The following CDON variants were observed in gnomAD, a reference collection of about 807,000 sequenced individuals.
CDON encodes the protein cell adhesion associated, oncogene regulated.
CDON carries 73 observed loss-of-function variants against 120.9 expected under a neutral mutation model. The ratio of observed to expected loss-of-function variants is 0.60; its 90% CI spans 0.50 to 0.73. The LOEUF is 0.73. Among genes scored for constraint, CDON ranks in the 30% least tolerant of loss-of-function variants. CDON has a pLI of 0.00. For missense variants in CDON, 1,470 were observed against 1,587.3 expected (o/e 0.93, Z 1.26); for synonymous variants, 566 against 573.5 (o/e 0.99, Z 0.19).
intron 10 of CDON, among the ~76,000 whole-genome samples, chr11:126,002,581 T>C (rs1946978036): frequency 6.6e-6 from 1 of 152,190 alleles, no homozygotes; most frequent in South Asian, 2.1e-4. Context: ...CGATGGCATC[T>C]TTTTTATCAA....
At chr11:125,999,418 T>A (rs530173773) in intron 11 of CDON, among the ~76,000 whole-genome samples, 1 of 152,244 alleles carries the variant, frequency 6.6e-6, no homozygotes, top group African/African-American at 2.4e-5. Flanking sequence ...CTCCACTTTC[T>A]GGACGATCTG....
rs1469425757 is a variant in CDON, at chr11:125,997,402, C to T, written c.2167G>A (p.Ala723Thr). The T allele has an allele frequency of 6.2e-7, 1 of 1,610,842 alleles. No individual in the cohort carries two copies. Among genetic ancestry groups the T allele is most frequent in the Admixed American group, 1.7e-5 (1 of 59,828 alleles). Residue 723 changes from alanine (A) to threonine (T), a missense_variant, in exon 12 of 20, where the codon GCA becomes ACA. Physicochemically the swap from Ala to Thr is moderately conservative, Grantham distance 58 (BLOSUM62 0). Coordinates refer to ENST00000531738, the MANE Select transcript of CDON (RefSeq NM_001378964.1). The part of the protein sequence containing the change: ...DSSRHSGVPE[A>T]PDRPTISTAS... ...GTGGAGATGGTAGGCCGATCTGGTG[C>T]CTCTGGAACTAAACACGGAAACGTT...
intron 14 of CDON, among the ~76,000 whole-genome samples, chr11:125,990,447 T>C (rs954540521): frequency 2.0e-5 from 3 of 152,098 alleles, no homozygotes; most frequent in African/African-American, 7.2e-5. Context: ...TTAGAAACAC[T>C]CCTAAACTGA....
intron 10 of CDON, 22 bp from the exon 11 acceptor site, chr11:126,001,872 T>C (rs1331417619): frequency 1.9e-6 from 3 of 1,546,094 alleles, no homozygotes; most frequent in East Asian, 2.2e-5. Flanking sequence ...AATAAACATA[T>C]ACAGTAACAT....
intron 11 of CDON, among the ~76,000 whole-genome samples, chr11:125,999,645 G>A (rs890891274): frequency 1.4e-4 from 21 of 152,134 alleles, no homozygotes; most frequent in African/African-American, 5.1e-4. Context: ...GTCTTCTGGT[G>A]CCCACACCCA....
chr11:126,052,652 G>A (rs1394191478), intron 1 of CDON, among the ~76,000 whole-genome samples: 1 of 152,120 alleles, frequency 6.6e-6, no homozygotes, highest in Non-Finnish European at 1.5e-5. Flanking sequence ...GCGAAACCCT[G>A]TCCCTACTAA....
At chr11:125,983,793 T>C in intron 16 of CDON, 79 bp downstream of exon 16, 1 of 1,020,748 alleles carries the variant, frequency 9.8e-7, no homozygotes, top group Non-Finnish European at 1.5e-6. Flanking sequence ...ACAACAGTGT[T>C]AGAAATCAAT....
chr11:125,980,926 C>T (rs774908007), intron 17 of CDON, 123 bp downstream of exon 17: 25 of 936,100 alleles, frequency 2.7e-5, no homozygotes, highest in Middle Eastern at 2.5e-4. Context: ...GTGATCCATG[C>T]TGTTTCCATT....
At chr11:126,053,332 C>A (rs1284656196) in intron 1 of CDON, among the ~76,000 whole-genome samples, 1 of 152,180 alleles carries the variant, frequency 6.6e-6, no homozygotes, top group African/African-American at 2.4e-5. Context: ...AATACCTCCT[C>A]CAGATTTAGT....
chr11:126,018,258 T>G (rs974870600), intron 5 of CDON, 72 bp downstream of exon 5: 2 of 1,438,286 alleles, frequency 1.4e-6, no homozygotes, highest in African/African-American at 2.8e-5. Flanking sequence ...GAAAAAAAAA[T>G]GAACTATCAT....
Position 126,015,281 on chromosome 11 carries a change from A to G in CDON, c.1158T>C (p.Ile386=). 4 of 1,614,158 alleles carry G rather than the reference A, an allele frequency of 2.5e-6. No individual in the cohort carries two copies. Among genetic ancestry groups the G allele is most frequent in the Non-Finnish European group, 3.4e-6 (4 of 1,179,998 alleles). Residue 386 remains isoleucine (I), a synonymous_variant, in exon 7 of 20, where the codon ATT becomes ATC. Transcript: ENST00000531738. ...GMYQCVADNG[I]GFMHSTGRLE... ...GTCTTCCAGTAGAGTGCATAAATCC[A>G]ATCCCATTATCTGCTACACACTGAT...
At chr11:126,021,071 AG>A (rs1445887955) in intron 3 of CDON, among the ~76,000 whole-genome samples, 176 bp downstream of exon 3, 12 of 152,312 alleles carry the variant, frequency 7.9e-5, no homozygotes, top group Non-Finnish European at 1.5e-4. Flanking sequence ...GCATGAGGCC[AG>A]GCTCACAGAG....
At chr11:125,970,221 C>A (rs1315519370) in intron 18 of CDON, among the ~76,000 whole-genome samples, 5 of 139,476 alleles carry the variant, frequency 3.6e-5, no homozygotes, top group African/African-American at 1.4e-4. Context: ...TGTCGCCAGG[C>A]TGGAGTGCAG....
chr11:125,971,354 G>T (rs956150006), intron 18 of CDON, among the ~76,000 whole-genome samples: 1 of 151,656 alleles, frequency 6.6e-6, no homozygotes, highest in Non-Finnish European at 1.5e-5. Flanking sequence ...CTGCACTCCA[G>T]CCTGGGCGAC....
intron 12 of CDON, 53 bp from the exon 13 acceptor site, chr11:125,995,105 A>G: frequency 1.3e-6 from 2 of 1,494,486 alleles, no homozygotes; most frequent in South Asian, 2.3e-5. Flanking sequence ...CATAACTAAG[A>G]AAAGCTATAA....
chr11:126,033,849 C>T (rs914784080), intron 1 of CDON, among the ~76,000 whole-genome samples: 1 of 152,042 alleles, frequency 6.6e-6, no homozygotes, highest in African/African-American at 2.4e-5. Context: ...CTCTCTGGGG[C>T]GTATGGGGGT....
chr11:125,980,011 G>A (rs916714342), intron 17 of CDON, among the ~76,000 whole-genome samples: 1 of 152,108 alleles, frequency 6.6e-6, no homozygotes, highest in African/African-American at 2.4e-5. Context: ...TTAATAAACT[G>A]AAGATGGGGG....
chr11:126,058,987 CAT>C (rs1948736157), intron 1 of CDON, among the ~76,000 whole-genome samples: 3 of 152,240 alleles, frequency 2.0e-5, no homozygotes, highest in African/African-American at 7.2e-5. Flanking sequence ...ACAGAAAAGA[CAT>C]AATCTAAATT....
intron 12 of CDON, among the ~76,000 whole-genome samples, chr11:125,996,685 G>C (rs999771583): frequency 7.8e-6 from 1 of 128,492 alleles, no homozygotes; most frequent in African/African-American, 3.1e-5. Flanking sequence ...AGGCGACAGA[G>C]GGAGACTCCA....
Sources: gnomAD v4.1 joint callset for allele counts (sites outside exome capture counted in the v4.1 genomes callset) on GRCh38, gnomAD v4.1.1 for gene constraint, MANE v1.5 for transcripts, NCBI Gene and HGNC (gene_info 2026-07-23, HGNC 2026-07-21) for gene names.